The following MAP3K20 variants were observed in gnomAD, a reference collection of about 807,000 sequenced individuals.
The protein encoded by MAP3K20 is mitogen-activated protein kinase kinase kinase 20, also known as HCCS-4.
In MAP3K20, 40 loss-of-function variants were observed where a neutral mutation model predicts 85.7. The observed-to-expected ratio is 0.47, with a 90% confidence interval of 0.36 to 0.61. The LOEUF (loss-of-function observed/expected upper bound fraction) is 0.61, where lower values mean the gene tolerates loss of function less well. Ranked by LOEUF, MAP3K20 falls within the 20% of genes least tolerant of loss-of-function variation. The pLI, the probability that MAP3K20 is intolerant of heterozygous loss-of-function variation, is 0.00. For missense variants in MAP3K20, 817 were observed against 961.7 expected, an observed-to-expected ratio of 0.85 and a Z score of 1.99; for synonymous variants, 325 against 327.7, an observed-to-expected ratio of 0.99 and a Z score of 0.09.
At chr2:173,209,533 C>T in intron 9 of MAP3K20, 196 bp from the exon 10 acceptor site, 1 of 449,288 alleles carries the variant, frequency 2.2e-6, no homozygotes, top group South Asian at 4.3e-5. Context: ...GTGAATAGTT[C>T]ACCGAAAATA....
intron 4 of MAP3K20, 24 bp from the exon 5 acceptor site, chr2:173,187,534 C>G (rs558713642): frequency 6.3e-7 from 1 of 1,579,406 alleles, no homozygotes; most frequent in Non-Finnish European, 8.6e-7. Context: ...ATTAATAGGC[C>G]TTTATTTCTT....
chr2:173,199,221 C>T (rs1690952881), intron 8 of MAP3K20, among the ~76,000 whole-genome samples: 1 of 152,112 alleles, frequency 6.6e-6, no homozygotes, highest in Non-Finnish European at 1.5e-5. Flanking sequence ...CTAGGAGAAA[C>T]CAAGTTTCCA....
intron 7 of MAP3K20, 40 bp downstream of exon 7, chr2:173,191,217 C>G (rs1690639731): frequency 6.2e-7 from 1 of 1,605,456 alleles, no homozygotes; most frequent in Non-Finnish European, 8.5e-7. Flanking sequence ...AAGGGAAATA[C>G]AAAAAGCAAA....
chr2:173,234,970 G>A (rs551878679), intron 14 of MAP3K20, among the ~76,000 whole-genome samples: 7 of 152,318 alleles, frequency 4.6e-5, no homozygotes, highest in African/African-American at 1.4e-4. Context: ...CTGCAGTGTA[G>A]CAAAAACGCG....
rs776930819 is a variant in MAP3K20, at chr2:173,266,527, C to T, written c.2180C>T (p.Ser727Leu). The T allele has an allele frequency of 4.8e-5, 78 of 1,613,810 alleles. No individual in the cohort carries two copies. The highest frequency in any genetic ancestry group is 6.1e-5 in the Non-Finnish European group (72 of 1,179,962). Residue 727 changes from serine to leucine, a missense_variant, in exon 20 of 20, where the codon TCG becomes TTG. Ser to Leu is a moderately radical substitution (Grantham distance 145). Transcript: ENST00000375213. ...VSQSALNPHQ[S>L]PDFKRSPRDL... ...CAGTCAGCACTCAATCCTCACCAGT[C>T]GCCTGACTTCAAGAGAAGCCCCAGG...
intron 15 of MAP3K20, 47 bp from the exon 16 acceptor site, chr2:173,239,357 A>G (rs764733991): frequency 1.4e-5 from 20 of 1,478,300 alleles, no homozygotes; most frequent in Admixed American, 2.3e-5. Flanking sequence ...TTACATGAGA[A>G]GTAAAAACAA....
chr2:173,207,217 G>A (rs1156412636), intron 9 of MAP3K20, among the ~76,000 whole-genome samples: 2 of 152,162 alleles, frequency 1.3e-5, no homozygotes, highest in African/African-American at 4.8e-5. Flanking sequence ...AGTTGGTCTC[G>A]TGCAGTGGCT....
At chr2:173,079,939 A>T (rs1300455585) in intron 1 of MAP3K20, among the ~76,000 whole-genome samples, 1 of 152,114 alleles carries the variant, frequency 6.6e-6, no homozygotes, top group Middle Eastern at 3.2e-3. Flanking sequence ...TGAGGATAAA[A>T]AGTATAGTAA....
At chr2:173,104,754 G>A (rs138216714) in intron 2 of MAP3K20, among the ~76,000 whole-genome samples, 3 of 152,284 alleles carry the variant, frequency 2.0e-5, no homozygotes, top group Non-Finnish European at 4.4e-5. Flanking sequence ...ATAGGGCAGA[G>A]TAAGGGAGAT....
At chr2:173,118,409 G>A (rs1036841031) in intron 2 of MAP3K20, among the ~76,000 whole-genome samples, 3 of 152,208 alleles carry the variant, frequency 2.0e-5, no homozygotes, top group Admixed American at 6.5e-5. Flanking sequence ...TTTGTGGTAG[G>A]GGAACAATTT....
intron 1 of MAP3K20, among the ~76,000 whole-genome samples, chr2:173,079,793 G>A (rs1686964451): frequency 6.6e-6 from 1 of 152,076 alleles, no homozygotes; most frequent in Admixed American, 6.5e-5. Flanking sequence ...AAGGTCTTCA[G>A]GGGCAGTAAT....
intron 11 of MAP3K20, chr2:173,226,697 C>T (rs1194699564): frequency 3.0e-6 from 3 of 985,670 alleles, no homozygotes; most frequent in South Asian, 4.7e-5. Context: ...CAAGCACCTA[C>T]ATTAATTATT....
intron 2 of MAP3K20, among the ~76,000 whole-genome samples, chr2:173,117,528 C>G (rs569593205): frequency 6.6e-6 from 1 of 152,164 alleles, no homozygotes; most frequent in Admixed American, 6.5e-5. Flanking sequence ...GATCTTCCTG[C>G]CTTGACCTCC....
chr2:173,244,111 T>C (rs1309139543), intron 16 of MAP3K20, among the ~76,000 whole-genome samples: 1 of 152,132 alleles, frequency 6.6e-6, no homozygotes, highest in East Asian at 1.9e-4. Context: ...TTAGATTGTG[T>C]CACTAGCTGG....
rs371782338 is a variant in MAP3K20, at chr2:173,083,674, T to G, written c.-34-7324T>G. Reference sequence around the variant, plus strand: ...AAGATAAGACTCAGGGGAAAAAAATTGCAGAACAGTGATTCCAAGTGGTGT... The same window carrying G: ...AAGATAAGACTCAGGGGAAAAAAATGGCAGAACAGTGATTCCAAGTGGTGT... On this transcript the variant is annotated intron_variant, in intron 1 of 19. Transcript: ENST00000375213. Among the ~76,000 whole-genome samples the G allele has an allele frequency of 9.2e-5, 14 of 152,188 alleles. No individual in the cohort carries two copies. In the East Asian group the frequency reaches 2.7e-3, roughly 29 times the overall value.
At chr2:173,240,094 T>A (rs561503006) in intron 16 of MAP3K20, among the ~76,000 whole-genome samples, 104 of 152,346 alleles carry the variant, frequency 6.8e-4, no homozygotes, top group South Asian at 4.8e-3. Context: ...GACCACTTAT[T>A]GTGTACCAGG....
chr2:173,223,851 T>C (rs575467779), intron 11 of MAP3K20: 7 of 985,316 alleles, frequency 7.1e-6, no homozygotes, highest in Non-Finnish European at 8.4e-6. Context: ...GAAGAAAAGC[T>C]TGGAGTAGAG....
At position 173,211,710 on chromosome 2, in the gene MAP3K20, C is replaced by A. The variant is rs1420001947; in HGVS notation, c.851+1875C>A. ...GTCAGGTGGATCAACGTCAGGAGAT[C>A]GAGACCATACTGGCTAACACGGTGA... On this transcript the variant is annotated intron_variant, in intron 10 of 19. Coordinates refer to ENST00000375213, the MANE Select transcript of MAP3K20 (RefSeq NM_016653.3). 5 of 152,276 alleles carry A rather than the reference C, an allele frequency of 3.3e-5. No individual in the cohort carries two copies. In the East Asian group the frequency reaches 9.6e-4, roughly 29 times the overall value. 9.4% of individuals were successfully genotyped at this position (152,276 alleles called of 1,614,324 possible). A position where few individuals can be genotyped will look rare whatever the true frequency, so the allele number is the denominator to read the frequency against.
At chr2:173,215,451 A>G (rs3754739) in intron 10 of MAP3K20, among the ~76,000 whole-genome samples, 25,939 of 152,246 alleles carry the variant, frequency 0.17, 2,448 homozygotes, top group South Asian at 0.28. Flanking sequence ...TTTGTCAGAA[A>G]TATCAGGGAT....
Sources: gnomAD v4.1 joint callset for allele counts (sites outside exome capture counted in the v4.1 genomes callset) on GRCh38, gnomAD v4.1.1 for gene constraint, MANE v1.5 for transcripts, NCBI Gene and HGNC (gene_info 2026-07-23, HGNC 2026-07-21) for gene names.